ANK3: variants seen among roughly 807,000 people sequenced by gnomAD.
The protein encoded by ANK3 is ankyrin-3.
A neutral mutation model predicts 370.9 loss-of-function variants in ANK3; 57 were observed. That is an observed-to-expected ratio of 0.15 (90% CI 0.12 to 0.19). The LOEUF (loss-of-function observed/expected upper bound fraction) is 0.19, where lower values mean the gene tolerates loss of function less well. ANK3 is among the 10% of genes least tolerant of loss of function. ANK3 has a pLI of 1.00. For missense variants in ANK3, 4,439 were observed against 5,302.1 expected (o/e 0.84, Z 5.06); for synonymous variants, 1,929 against 1,946.3 (o/e 0.99, Z 0.23).
chr10:60,119,753 AAG>A (rs1383205343), intron 25 of ANK3, among the ~76,000 whole-genome samples: 4 of 152,252 alleles, frequency 2.6e-5, no homozygotes, highest in African/African-American at 9.6e-5. Flanking sequence ...TCCTGGGCGA[AAG>A]AGCAAGACTT....
intron 1 of ANK3, among the ~76,000 whole-genome samples, chr10:60,717,172 C>T (rs1283861297): frequency 1.3e-5 from 2 of 152,120 alleles, no homozygotes; most frequent in Non-Finnish European, 2.9e-5. Flanking sequence ...AAAAATAATA[C>T]CATGCTGTGA....
At chr10:60,540,227 C>T (rs1371981212) in intron 2 of ANK3, among the ~76,000 whole-genome samples, 1 of 151,782 alleles carries the variant, frequency 6.6e-6, no homozygotes, top group Non-Finnish European at 1.5e-5. Flanking sequence ...CTTGTTTCCA[C>T]TTGATGGGTC....
intron 2 of ANK3, among the ~76,000 whole-genome samples, chr10:60,400,061 T>A (rs967241080): frequency 6.7e-6 from 1 of 149,426 alleles, no homozygotes; most frequent in Non-Finnish European, 1.5e-5. Flanking sequence ...TGTGCAGCCA[T>A]GGCACTAAAA....
At chr10:60,046,740 T>C (rs1207443454) in intron 42 of ANK3, among the ~76,000 whole-genome samples, 1 of 152,046 alleles carries the variant, frequency 6.6e-6, no homozygotes, top group Admixed American at 6.5e-5. Flanking sequence ...CTGTCAACTA[T>C]ATTAGAGACC....
intron 9 of ANK3, among the ~76,000 whole-genome samples, chr10:60,209,935 C>G (rs927571043): frequency 3.9e-5 from 6 of 151,988 alleles, no homozygotes; most frequent in Non-Finnish European, 7.4e-5. Flanking sequence ...TGGAGAAGGA[C>G]AAGAAAACAG....
intron 16 of ANK3, among the ~76,000 whole-genome samples, chr10:60,194,576 T>A (rs899804798): frequency 6.6e-6 from 1 of 152,248 alleles, no homozygotes; most frequent in African/African-American, 2.4e-5. Context: ...GTAGAGTATG[T>A]CAGAATTTCC....
intron 1 of ANK3, among the ~76,000 whole-genome samples, chr10:60,730,211 G>A (rs1000182089): frequency 9.2e-5 from 14 of 152,082 alleles, no homozygotes; most frequent in African/African-American, 3.4e-4. Flanking sequence ...AGGCTGGAGT[G>A]CAGTGGCATG....
At chr10:60,045,192 C>T (rs979694425) in intron 42 of ANK3, among the ~76,000 whole-genome samples, 1 of 152,216 alleles carries the variant, frequency 6.6e-6, no homozygotes, top group African/African-American at 2.4e-5. Flanking sequence ...ATAGAATGTG[C>T]TCACCATTGG....
chr10:60,324,645 C>A (rs1283190493), intron 1 of ANK3, among the ~76,000 whole-genome samples: 1 of 152,126 alleles, frequency 6.6e-6, no homozygotes, highest in Non-Finnish European at 1.5e-5. Context: ...GCCCAGAGAC[C>A]CGTAAGTCTC....
intron 1 of ANK3, among the ~76,000 whole-genome samples, chr10:60,644,141 G>A (rs914522899): frequency 2.0e-5 from 3 of 152,066 alleles, no homozygotes; most frequent in Non-Finnish European, 4.4e-5. Flanking sequence ...CTTATCTGTT[G>A]GAGAAGAGAG....
At chr10:60,462,349 T>C (rs10994359) in intron 2 of ANK3, among the ~76,000 whole-genome samples, 12,994 of 152,186 alleles carry the variant, frequency 0.085, 1,131 homozygotes, top group East Asian at 0.32. Flanking sequence ...CATTCCCAAA[T>C]AGTAACCCCA....
intron 36 of ANK3, among the ~76,000 whole-genome samples, chr10:60,077,601 A>G (rs1254094273): frequency 1.3e-5 from 2 of 152,234 alleles, no homozygotes; most frequent in Non-Finnish European, 2.9e-5. Flanking sequence ...ACATACGTCC[A>G]TGTCTGCAAC....
chr10:60,378,872 G>T (rs1194440579), intron 1 of ANK3, among the ~76,000 whole-genome samples: 2 of 151,258 alleles, frequency 1.3e-5, no homozygotes, highest in Non-Finnish European at 2.9e-5. Flanking sequence ...AAACTAAAAA[G>T]CCTCTGCACA....
intron 42 of ANK3, among the ~76,000 whole-genome samples, chr10:60,046,361 T>C (rs936707937): frequency 6.6e-6 from 1 of 152,202 alleles, no homozygotes; most frequent in African/African-American, 2.4e-5. Flanking sequence ...CTTTTGGAAA[T>C]GTACACATCT....
intron 29 of ANK3, among the ~76,000 whole-genome samples, chr10:60,087,629 C>A (rs1033181461): frequency 6.6e-6 from 1 of 152,144 alleles, no homozygotes; most frequent in African/African-American, 2.4e-5. Context: ...TACTTTAGTT[C>A]ATTTTCCTTA....
At chr10:60,601,088 A>G (rs1442978057) in intron 2 of ANK3, among the ~76,000 whole-genome samples, 1 of 152,066 alleles carries the variant, frequency 6.6e-6, no homozygotes, top group Non-Finnish European at 1.5e-5. Flanking sequence ...TTATCTGGGG[A>G]GAACTAATAG....
At chr10:60,667,659 C>G (rs575463594) in intron 1 of ANK3, among the ~76,000 whole-genome samples, 1 of 151,644 alleles carries the variant, frequency 6.6e-6, no homozygotes, top group South Asian at 2.1e-4. Context: ...TTGTCTTACT[C>G]AAGCTGTCTC....
At chr10:60,116,134 T>C (rs1342922541) in intron 25 of ANK3, among the ~76,000 whole-genome samples, 1 of 152,090 alleles carries the variant, frequency 6.6e-6, no homozygotes, top group Non-Finnish European at 1.5e-5. Context: ...CCACCAACCC[T>C]AGCAGAAGAC....
chr10:60,198,102 A>C (rs901518978), intron 14 of ANK3, among the ~76,000 whole-genome samples: 1 of 152,156 alleles, frequency 6.6e-6, no homozygotes, highest in African/African-American at 2.4e-5. Context: ...CTGACTCTGG[A>C]TATCAGTAAG....
Sources: gnomAD v4.1 joint callset for allele counts (sites outside exome capture counted in the v4.1 genomes callset) on GRCh38, gnomAD v4.1.1 for gene constraint, MANE v1.5 for transcripts, NCBI Gene and HGNC (gene_info 2026-07-23, HGNC 2026-07-21) for gene names.